The following HSPA9 variants were observed in gnomAD, a reference collection of about 807,000 sequenced individuals.
HSPA9 encodes stress-70 protein, mitochondrial.
A neutral mutation model predicts 81.5 loss-of-function variants in HSPA9; 28 were observed. The observed-to-expected ratio is 0.34, with a 90% CI of 0.25 to 0.47. The LOEUF (loss-of-function observed/expected upper bound fraction) is 0.47, where lower values mean the gene tolerates loss of function less well. HSPA9 is among the 20% of genes least tolerant of loss of function. The pLI is 1.00. For missense variants in HSPA9, 678 were observed against 838.0 expected (o/e 0.81, Z 2.36); for synonymous variants, 293 against 290.4 (o/e 1.01, Z -0.09).
In HSPA9 at chr5:138,571,043, A is replaced by G. The variant is rs1341464135; in HGVS notation, c.327T>C (p.Ala109=). The G allele has an allele frequency of 6.2e-7, 1 of 1,614,210 alleles. No individual in the cohort carries two copies. The highest frequency in any genetic ancestry group is 8.5e-7 in the Non-Finnish European group (1 of 1,180,044). Residue 109 remains alanine, a synonymous_variant, in exon 4 of 17, where the codon GCT becomes GCC. Transcript: ENST00000297185. ...RLVGMPAKRQ[A]VTNPNNTFYA... is the part of the protein sequence containing the mutation. Reference sequence around the variant, plus strand: ...AAAATGTATTGTTTGGGTTGGTGACAGCCTGTCGCTTGGCCGGCATTCCAA... The same window carrying G: ...AAAATGTATTGTTTGGGTTGGTGACGGCCTGTCGCTTGGCCGGCATTCCAA...
chr5:138,573,987 GAAGAAT>G, intron 2 of HSPA9, 75 bp downstream of exon 2: 4 of 501,322 alleles, frequency 8.0e-6, no homozygotes, highest in East Asian at 5.5e-4. Flanking sequence ...TAATTACAGA[GAAGAAT>G]AATCACAAAT....
In HSPA9 at chr5:138,556,842, C is replaced by A. The variant is rs765514655; in HGVS notation, c.1753G>T (p.Ala585Ser). Reference sequence around the variant, plus strand: ...TCTGTGTCGTGAATGATTCCTTCAGCCATATTAACTGCTTCAACTCGTTCC... The same window carrying A: ...TCTGTGTCGTGAATGATTCCTTCAGACATATTAACTGCTTCAACTCGTTCC... ...KKERVEAVNM[A>S]EGIIHDTETK... Residue 585 changes from alanine (A) to serine (S), a missense_variant, in exon 15 of 17, where the codon GCT becomes TCT. Coordinates refer to ENST00000297185, the MANE Select transcript of HSPA9 (RefSeq NM_004134.7). 6.2e-7 allele frequency: 1 copy of A among 1,613,580 alleles called. No individual in the cohort carries two copies. The highest frequency in any genetic ancestry group is 1.3e-5 in the African/African-American group (1 of 74,912).
chr5:138,557,113 A>T (rs1354550944), intron 14 of HSPA9: 1 of 603,902 alleles, frequency 1.7e-6, no homozygotes, highest in East Asian at 2.8e-5. Flanking sequence ...ATAAGGTATA[A>T]ACAACGGGGA....
chr5:138,557,080 G>A, intron 14 of HSPA9: 1 of 618,600 alleles, frequency 1.6e-6, no homozygotes, highest in Non-Finnish European at 2.9e-6. Flanking sequence ...GAAAACAGAA[G>A]AAATAATAAA....
intron 5 of HSPA9, 105 bp downstream of exon 5, chr5:138,568,820 A>C: frequency 8.2e-7 from 1 of 1,222,608 alleles, no homozygotes; most frequent in Non-Finnish European, 1.2e-6. Context: ...TTCTATACAA[A>C]AGGGACCACA....
In HSPA9 at chr5:138,556,057, G is replaced by A; in HGVS notation, c.2020C>T (p.Gln674Ter). The change falls in exon 17 of 17, where the codon CAA (glutamine) becomes TAA (stop). Residue 674 changes from glutamine to a stop codon, truncating the protein, a stop_gained. Transcript: ENST00000297185. LOFTEE classifies it high-confidence loss of function. ...SSGTGEQKED[Q>*]KEEKQ ...TATTATTACTGTTTTTCCTCCTTTTGATCTTCCTTTTGTTCCCCAGTGCCA... is the reference window on the plus strand; with the variant it reads ...TATTATTACTGTTTTTCCTCCTTTTAATCTTCCTTTTGTTCCCCAGTGCCA... The A allele has an allele frequency of 6.2e-7, 1 of 1,612,756 alleles. No homozygotes were observed.
chr5:138,570,833 C>T (rs1204895041), intron 4 of HSPA9, 127 bp downstream of exon 4: 1 of 894,590 alleles, frequency 1.1e-6, no homozygotes, highest in African/African-American at 1.6e-5. Context: ...GTACAGATTT[C>T]CCCTAGGGAC....
chr5:138,558,405 C>A, intron 12 of HSPA9, 148 bp downstream of exon 12: 1 of 698,738 alleles, frequency 1.4e-6, no homozygotes. Context: ...AAAACTGATG[C>A]CATGGGTATC....
At chr5:138,574,226 C>G in intron 1 of HSPA9, 100 bp from the exon 2 acceptor site, 2 of 792,396 alleles carry the variant, frequency 2.5e-6, no homozygotes, top group East Asian at 2.5e-5. Flanking sequence ...CATTAAGCTA[C>G]TAAAACAGTA....
Position 138,569,051 on chromosome 5 carries a change from T to A in HSPA9, c.411-2A>T. ...ACAATTTTAAAGGGAACATTTTTAC[T>A]GTAAGACACAAAAATTCTATTAGAG... On this transcript the variant is annotated splice_acceptor_variant, in intron 4 of 16. Coordinates refer to ENST00000297185, the MANE Select transcript of HSPA9 (RefSeq NM_004134.7). LOFTEE classifies it high-confidence loss of function. The A allele has an allele frequency of 6.2e-7, 1 of 1,613,578 alleles. No homozygotes were observed. Among genetic ancestry groups the A allele is most frequent in the Non-Finnish European group, 8.5e-7 (1 of 1,179,586 alleles).
intron 3 of HSPA9, among the ~76,000 whole-genome samples, chr5:138,571,713 C>A (rs1335958588): frequency 1.3e-5 from 2 of 149,636 alleles, no homozygotes; most frequent in African/African-American, 4.9e-5. Context: ...GTGGCGCGAT[C>A]TCGGCTCACT....
intron 10 of HSPA9, among the ~76,000 whole-genome samples, chr5:138,561,277 A>G (rs1345604307): frequency 6.6e-6 from 1 of 152,094 alleles, no homozygotes; most frequent in Admixed American, 6.6e-5. Context: ...CTGCCCCTAA[A>G]GAAATTCTGC....
At position 138,556,811 on chromosome 5, in the gene HSPA9, T is replaced by A; in HGVS notation, c.1784A>T (p.Lys595Met). 1 of 1,614,012 alleles carries A rather than the reference T, an allele frequency of 6.2e-7. No homozygotes were observed. Among genetic ancestry groups the A allele is most frequent in the South Asian group, 1.1e-5 (1 of 91,086 alleles). ...TAATTGGTCCTTGAATTCTTCCATCTTGGTTTCTGTGTCGTGAATGATTCC... is the reference window on the plus strand; with the variant it reads ...TAATTGGTCCTTGAATTCTTCCATCATGGTTTCTGTGTCGTGAATGATTCC... ...AEGIIHDTET[K>M]MEEFKDQLPA... Residue 595 changes from lysine to methionine, a missense_variant, in exon 15 of 17, where the codon AAG (lysine) becomes ATG (methionine). Coordinates refer to ENST00000297185, the MANE Select transcript of HSPA9 (RefSeq NM_004134.7).
At chr5:138,575,056 A>T in intron 1 of HSPA9, 182 bp downstream of exon 1, 1 of 613,794 alleles carries the variant, frequency 1.6e-6, no homozygotes, top group Non-Finnish European at 3.0e-6. Flanking sequence ...CCCAAGCCGG[A>T]GGCAAAACCT....
Position 138,569,020 on chromosome 5 carries a change from G to A in HSPA9, c.440C>T (p.Ala147Val), listed in dbSNP as rs1469990986. 15 of 1,613,710 alleles carry A rather than the reference G, an allele frequency of 9.3e-6. No individual in the cohort carries two copies. The highest frequency in any genetic ancestry group is 1.6e-4 in the Middle Eastern group (1 of 6,062). Reference sequence around the variant, plus strand: ...CTCAACCCAGGCATCACCATTGGAGGCACGGACAATTTTAAAGGGAACATT... The same window carrying A: ...CTCAACCCAGGCATCACCATTGGAGACACGGACAATTTTAAAGGGAACATT... ...IKNVPFKIVR[A>V]SNGDAWVEAH... Residue 147 changes from alanine (A) to valine (V), a missense_variant, in exon 5 of 17, where the codon GCC becomes GTC. Physicochemically the swap from Ala to Val is moderately conservative, Grantham distance 64. Around this residue, in one of 4 missense-constraint regions of HSPA9, gnomAD observed 484 missense variants for 647.5 expected, o/e 0.75. Transcript: ENST00000297185.
chr5:138,559,873 C>G lies in HSPA9; in HGVS notation c.1401G>C (p.Lys467Asn). Residue 467 changes from lysine (K) to asparagine (N), a missense_variant, in exon 11 of 17, where the codon AAG becomes AAC. Lys to Asn is a moderately conservative substitution (Grantham distance 94, BLOSUM62 0). Transcript: ENST00000297185. ...LINRNTTIPT[K>N]KSQVFSTAAD... ...AAGTGATGGCTCTTACCTGGCTCTTCTTGGTTGGAATAGTGGTATTCCTAT... is the reference window on the plus strand; with the variant it reads ...AAGTGATGGCTCTTACCTGGCTCTTGTTGGTTGGAATAGTGGTATTCCTAT... 1 of 1,609,678 alleles carries G rather than the reference C, an allele frequency of 6.2e-7. No homozygotes were observed. Among genetic ancestry groups the G allele is most frequent in the Non-Finnish European group, 8.5e-7 (1 of 1,175,952 alleles).
At chr5:138,564,526 T>G (rs1040227692) in intron 9 of HSPA9, among the ~76,000 whole-genome samples, 5 of 152,168 alleles carry the variant, frequency 3.3e-5, no homozygotes, top group African/African-American at 1.2e-4. Context: ...GTCTCCTGAG[T>G]AGCTGGGACT....
At chr5:138,561,356 G>A (rs569965361) in intron 10 of HSPA9, among the ~76,000 whole-genome samples, 74 of 152,144 alleles carry the variant, frequency 4.9e-4, no homozygotes, top group African/African-American at 7.2e-4. Flanking sequence ...TGATCTGCCC[G>A]CCTCAGCCTC....
intron 16 of HSPA9, 147 bp downstream of exon 16, chr5:138,556,305 T>G: frequency 8.7e-7 from 1 of 1,154,152 alleles, no homozygotes; most frequent in Non-Finnish European, 1.3e-6. Flanking sequence ...AATGCCAAAG[T>G]AGAGTCAAGA....
Sources: allele counts gnomAD v4.1 joint callset (sites outside exome capture counted in the v4.1 genomes callset), GRCh38; gene constraint gnomAD v4.1.1; regional missense constraint gnomAD v4.1.1; transcripts MANE v1.5; gene names NCBI Gene and HGNC (gene_info 2026-07-23, HGNC 2026-07-21).